Variants in SCAF8 observed in about 807,000 individuals in gnomAD.
SCAF8 encodes SR-related and CTD-associated factor 8.
A neutral mutation model predicts 140.5 loss-of-function variants in SCAF8; 23 were observed. The ratio of observed to expected loss-of-function variants is 0.16; its 90% CI spans 0.12 to 0.23. The LOEUF is 0.23. Among genes scored for constraint, SCAF8 ranks in the 10% least tolerant of loss-of-function variants. The pLI is 1.00. For synonymous variants in SCAF8, 575 were observed against 528.9 expected, an observed-to-expected ratio of 1.09 and a Z score of -1.20; for missense variants, 1,397 against 1,555.7, an observed-to-expected ratio of 0.90 and a Z score of 1.72.
At chr6:154,808,899 A>AT (rs1778004804) in intron 11 of SCAF8, 101 bp downstream of exon 11, 8 of 771,926 alleles carry the variant, frequency 1.0e-5, no homozygotes, top group Non-Finnish European at 1.5e-5. Flanking sequence ...GGGATGACAT[A>AT]TTTTTTCTCA....
intron 12 of SCAF8, among the ~76,000 whole-genome samples, chr6:154,811,929 A>G (rs1369717341): frequency 6.6e-6 from 1 of 152,090 alleles, no homozygotes; most frequent in African/African-American, 2.4e-5. Context: ...TTCTTAATCC[A>G]GTCTATCATT....
At chr6:154,796,067 C>A (rs1777592546) in intron 6 of SCAF8, among the ~76,000 whole-genome samples, 1 of 151,946 alleles carries the variant, frequency 6.6e-6, no homozygotes, top group Admixed American at 6.5e-5. Flanking sequence ...TAAGTACTTA[C>A]ATATAGTTTT....
chr6:154,799,775 C>CTATT lies in SCAF8; in HGVS notation c.607-2173_607-2170dup, dbSNP rs376273596. Among the ~76,000 whole-genome samples, 213 of 150,494 alleles carry CTATT rather than the reference C, an allele frequency of 1.4e-3. 3 individuals carry two copies. The highest frequency in any genetic ancestry group is 4.3e-3 in the East Asian group (22 of 5,148). ...ACTTTAATAAGGCCTTCAGTGACTG[C>CTATT]TATTTATTTATTTATTTATTTATTT... On this transcript the variant is annotated intron_variant, in intron 6 of 19. Transcript: ENST00000367178.
At chr6:154,801,530 C>A (rs376983838) in intron 6 of SCAF8, among the ~76,000 whole-genome samples, 2 of 151,404 alleles carry the variant, frequency 1.3e-5, no homozygotes, top group South Asian at 4.1e-4. Flanking sequence ...TAACTAGTTG[C>A]CAGACTCTAC....
chr6:154,736,375 A>G (rs1039490866), intron 1 of SCAF8, among the ~76,000 whole-genome samples: 1 of 151,064 alleles, frequency 6.6e-6, no homozygotes, highest in Admixed American at 6.6e-5. Context: ...GGTTCAAGCA[A>G]TTCTCCTGCT....
At chr6:154,789,648 C>T (rs1583036373) in intron 4 of SCAF8, among the ~76,000 whole-genome samples, 1 of 149,216 alleles carries the variant, frequency 6.7e-6, no homozygotes, top group Non-Finnish European at 1.5e-5. Context: ...CAGGTTCACG[C>T]CATTCTCCTG....
chr6:154,803,313 T>C (rs1298963221), intron 7 of SCAF8, among the ~76,000 whole-genome samples: 4 of 152,196 alleles, frequency 2.6e-5, no homozygotes, highest in Admixed American at 2.0e-4. Context: ...TATTAGTGTT[T>C]ATCCTGCCTC....
At chr6:154,765,504 C>T (rs79839402) in intron 1 of SCAF8, among the ~76,000 whole-genome samples, 2,639 of 152,166 alleles carry the variant, frequency 0.017, 20 homozygotes, top group Middle Eastern at 0.051. Flanking sequence ...TTGTATCCAA[C>T]GAAACTAGTT....
At position 154,832,972 on chromosome 6, in the gene SCAF8, TC is replaced by T; in HGVS notation, c.3395del (p.Pro1132LeufsTer42). 6.2e-7 allele frequency: 1 copy of T among 1,614,076 alleles called. No individual in the cohort carries two copies. The highest frequency in any genetic ancestry group is 8.5e-7 in the Non-Finnish European group (1 of 1,180,002). ...TTCGGTCTGGAAACTATCGATTTGA[TC>T]CTAGAAGTGGTCCTTGGAACCGAGG... ...RFRSGNYRFDPRSGPWNRGFG... is the reference protein window; with the variant it reads ...RFRSGNYRFDXRSGPWNRGFG... On this transcript the variant is annotated frameshift_variant, in exon 20 of 20. Transcript: ENST00000367178. LOFTEE classifies it high-confidence loss of function.
Position 154,753,662 on chromosome 6 carries a change from A to G in SCAF8, c.30+19732A>G, listed in dbSNP as rs549708390. ...TATTTTATATATATACATGTATACAATGTACATATTTATAATATTTATACA... is the reference window on the plus strand; with the variant it reads ...TATTTTATATATATACATGTATACAGTGTACATATTTATAATATTTATACA... On this transcript the variant is annotated intron_variant, in intron 1 of 19. Coordinates refer to ENST00000367178, the MANE Select transcript of SCAF8 (RefSeq NM_014892.5). Among the ~76,000 whole-genome samples the G allele has an allele frequency of 1.1e-3, 168 of 152,264 alleles. 4 individuals are homozygous for G. The highest frequency in any genetic ancestry group is 3.5e-3 in the South Asian group (17 of 4,822).
intron 6 of SCAF8, among the ~76,000 whole-genome samples, chr6:154,796,353 T>TTCCCTCTCTCTC (rs772760237): frequency 2.5e-4 from 19 of 75,232 alleles, no homozygotes; most frequent in East Asian, 1.1e-3. Context: ...TGCAATCCTG[T>TTCCCTCTCTCTC]TCTCTCTCTC....
intron 1 of SCAF8, among the ~76,000 whole-genome samples, chr6:154,767,086 C>G (rs1053695901): frequency 6.6e-6 from 1 of 152,024 alleles, no homozygotes; most frequent in Non-Finnish European, 1.5e-5. Flanking sequence ...AAAGGCAGTC[C>G]CTTACTGGCA....
In SCAF8 at chr6:154,805,284, T is replaced by C; in HGVS notation, c.864-85T>C. ...GTAGAATATGTTTTATTGAATTGACTTTTTTGTTTTCTTTGAATACTCAGT... is the reference window on the plus strand; with the variant it reads ...GTAGAATATGTTTTATTGAATTGACCTTTTTGTTTTCTTTGAATACTCAGT... On this transcript the variant is annotated intron_variant, in intron 8 of 19. Coordinates refer to ENST00000367178, the MANE Select transcript of SCAF8 (RefSeq NM_014892.5). 5.3e-6 allele frequency: 4 copies of C among 752,958 alleles called. No homozygotes were observed. The South Asian group carries it at 7.9e-5, about 15-fold the overall frequency. 46.6% of individuals were successfully genotyped at this position (752,958 alleles called of 1,614,324 possible). A position where few individuals can be genotyped will look rare whatever the true frequency, so the allele number is the denominator to read the frequency against.
intron 1 of SCAF8, among the ~76,000 whole-genome samples, chr6:154,736,560 C>G (rs1237747639): frequency 6.6e-6 from 1 of 152,200 alleles, no homozygotes; most frequent in Non-Finnish European, 1.5e-5. Flanking sequence ...GCGTGAGCCA[C>G]TGCGCCTGGC....
At chr6:154,761,968 C>T (rs1234267481) in intron 1 of SCAF8, among the ~76,000 whole-genome samples, 1 of 152,074 alleles carries the variant, frequency 6.6e-6, no homozygotes, top group Non-Finnish European at 1.5e-5. Context: ...ATGCAAAATA[C>T]TGAATTTTTA....
intron 7 of SCAF8, among the ~76,000 whole-genome samples, 187 bp from the exon 8 acceptor site, chr6:154,803,357 A>G (rs1777823904): frequency 6.6e-6 from 1 of 152,180 alleles, no homozygotes; most frequent in South Asian, 2.1e-4. Flanking sequence ...AAGATAATAC[A>G]TATCAAAATG....
chr6:154,747,896 CTGTG>C (rs71021073), intron 1 of SCAF8, among the ~76,000 whole-genome samples: 10,453 of 144,614 alleles, frequency 0.072, 371 homozygotes, highest in Non-Finnish European at 0.076. Flanking sequence ...CATTTCATTT[CTGTG>C]TGTGTGTGTG....
chr6:154,795,178 T>C, intron 6 of SCAF8, 39 bp downstream of exon 6: 1 of 1,554,794 alleles, frequency 6.4e-7, no homozygotes, highest in Non-Finnish European at 8.7e-7. Flanking sequence ...TAATTTAGAA[T>C]TTAATATTTT....
intron 15 of SCAF8, among the ~76,000 whole-genome samples, chr6:154,821,107 T>G (rs1472241316): frequency 6.6e-6 from 1 of 152,192 alleles, no homozygotes; most frequent in Non-Finnish European, 1.5e-5. Context: ...ACTTAATACA[T>G]ATTTTAGTTT....
Sources: allele counts gnomAD v4.1 joint callset (sites outside exome capture counted in the v4.1 genomes callset), GRCh38; gene constraint gnomAD v4.1.1; transcripts MANE v1.5; gene names NCBI Gene and HGNC (gene_info 2026-07-23, HGNC 2026-07-21).